The following PCCB variants were observed in gnomAD, a reference collection of about 807,000 sequenced individuals.
PCCB encodes propionyl-CoA carboxylase subunit beta.
Under a neutral mutation model 60.7 loss-of-function variants are expected in PCCB, and 43 were observed. The ratio of observed to expected loss-of-function variants is 0.71; its 90% confidence interval spans 0.55 to 0.91. The LOEUF (loss-of-function observed/expected upper bound fraction) is 0.91. Among genes scored for constraint, PCCB ranks in the 40% least tolerant of loss-of-function variants. The pLI is 0.00. For synonymous variants in PCCB, 276 were observed against 255.9 expected (o/e 1.08, Z -0.75); for missense variants, 766 against 702.8 (o/e 1.09, Z -1.02).
intron 6 of PCCB, among the ~76,000 whole-genome samples, chr3:136,287,698 A>G (rs1933482294): frequency 6.6e-6 from 1 of 152,188 alleles, no homozygotes; most frequent in Admixed American, 6.5e-5. Flanking sequence ...AGCCTCCTAA[A>G]GTGCTGGGAG....
At chr3:136,279,759 C>T (rs1942425267) in intron 5 of PCCB, among the ~76,000 whole-genome samples, 1 of 152,108 alleles carries the variant, frequency 6.6e-6, no homozygotes, top group African/African-American at 2.4e-5. Flanking sequence ...GCTCCGCCTC[C>T]CAGGTTCACG....
chr3:136,326,827 T>C lies in PCCB; in HGVS notation c.1115T>C (p.Val372Ala). The C allele has an allele frequency of 6.2e-7, 1 of 1,610,398 alleles. No individual in the cohort carries two copies. The highest frequency in any genetic ancestry group is 1.1e-5 in the South Asian group (1 of 90,970). ...GGATGCTTGGATATTAATTCATCTG[T>C]GAAAGGGGCTCGTTTTGTCAGATTC... is the stretch of plus-strand genomic sequence containing the variant. ...ASGCLDINSS[V>A]KGARFVRFCD... Residue 372 changes from valine (V) to alanine (A), a missense_variant, in exon 11 of 15, where the codon GTG becomes GCG. By Grantham distance (64) the Val-to-Ala change is moderately conservative (BLOSUM62 0). Transcript: ENST00000251654.
intron 6 of PCCB, among the ~76,000 whole-genome samples, chr3:136,287,608 G>A (rs981168383): frequency 1.3e-5 from 2 of 151,918 alleles, no homozygotes; most frequent in South Asian, 4.2e-4. Flanking sequence ...CTAATTTTTT[G>A]TATTTTTGGT....
chr3:136,311,610 G>C (rs1428157598), intron 9 of PCCB, among the ~76,000 whole-genome samples: 1 of 152,086 alleles, frequency 6.6e-6, no homozygotes, highest in African/African-American at 2.4e-5. Context: ...AAAGTGCTGG[G>C]ATTTTAGGTG....
At chr3:136,262,990 T>C (rs1941868112) in intron 5 of PCCB, among the ~76,000 whole-genome samples, 1 of 148,326 alleles carries the variant, frequency 6.7e-6, no homozygotes, top group Non-Finnish European at 1.5e-5. Flanking sequence ...AGTCTGGCTC[T>C]GTCTCCCAGG....
Position 136,250,465 on chromosome 3 carries a change from C to A in PCCB, c.90C>A (p.Ser30Arg). 6.2e-7 allele frequency: 1 copy of A among 1,610,426 alleles called. No homozygotes were observed. The highest frequency in any genetic ancestry group is 8.5e-7 in the Non-Finnish European group (1 of 1,178,560). ...GLRAAVRSLCSQATSVNERIE... is the reference protein window; with the variant it reads ...GLRAAVRSLCRQATSVNERIE... ...GCGCCGCGGTCCGCAGCCTTTGCAG[C>A]CAGGCCACCTCTGTTAACGAACGCA... Residue 30 changes from serine (S) to arginine (R), a missense_variant, in exon 1 of 15, where the codon AGC becomes AGA. Ser to Arg is a moderately radical substitution (Grantham distance 110, BLOSUM62 -1). Transcript: ENST00000251654.
At chr3:136,283,456 G>A (rs1386881036) in intron 5 of PCCB, among the ~76,000 whole-genome samples, 2 of 152,118 alleles carry the variant, frequency 1.3e-5, no homozygotes, top group Non-Finnish European at 2.9e-5. Context: ...TGTTGGCTCT[G>A]CAAACTCTGC....
At chr3:136,274,669 T>A (rs926940020) in intron 5 of PCCB, among the ~76,000 whole-genome samples, 5 of 152,232 alleles carry the variant, frequency 3.3e-5, no homozygotes, top group Non-Finnish European at 7.3e-5. Context: ...TATTGAAATC[T>A]CAGGCAAGGC....
At chr3:136,283,681 A>G (rs191425877) in intron 5 of PCCB, among the ~76,000 whole-genome samples, 156 bp from the exon 6 acceptor site, 1 of 152,312 alleles carries the variant, frequency 6.6e-6, no homozygotes, top group East Asian at 1.9e-4. Context: ...TGCACATATA[A>G]TTCTTAAAGA....
chr3:136,260,860 C>G lies in PCCB; in HGVS notation c.429+325C>G, dbSNP rs1576406290. On this transcript the variant is annotated intron_variant, in intron 4 of 14. Transcript: ENST00000251654. Reference sequence around the variant, plus strand: ...TTAATAACAAGATTTAGCAGTAGATCTAGTAACTACCGTAATTTCAAAGTA... The same window carrying G: ...TTAATAACAAGATTTAGCAGTAGATGTAGTAACTACCGTAATTTCAAAGTA... Among the ~76,000 whole-genome samples, 3 of 152,134 alleles carry G rather than the reference C, an allele frequency of 2.0e-5. No individual in the cohort carries two copies. The East Asian group carries it at 5.8e-4, about 29-fold the overall frequency.
chr3:136,301,344 A>G (rs1934272491), intron 9 of PCCB, among the ~76,000 whole-genome samples: 1 of 152,100 alleles, frequency 6.6e-6, no homozygotes, highest in Non-Finnish European at 1.5e-5. Context: ...TAGGAGTAGT[A>G]AGGGCCAGCA....
intron 6 of PCCB, among the ~76,000 whole-genome samples, chr3:136,292,569 C>T (rs1454303364): frequency 1.3e-5 from 2 of 152,082 alleles, no homozygotes; most frequent in Admixed American, 1.3e-4. Flanking sequence ...TGATACAAAT[C>T]CTACTATACT....
chr3:136,289,590 A>G (rs9848883), intron 6 of PCCB, among the ~76,000 whole-genome samples: 5,981 of 152,090 alleles, frequency 0.039, 157 homozygotes, highest in East Asian at 0.13. Flanking sequence ...TAGTCTGACA[A>G]TCCGTCTTTT....
In PCCB at chr3:136,327,204, C is replaced by G. The variant is rs747022334; in HGVS notation, c.1248C>G (p.Leu416=). The part of the protein sequence containing the change: ...GGIIRHGAKL[L]YAFAEATVPK... ...TCATCCGGCATGGTGCCAAGCTTCT[C>G]TACGCATTTGCTGAGGCAACTGTAC... The change falls in exon 12 of 15, where the codon CTC becomes CTG. Residue 416 remains leucine (L), a synonymous_variant. Coordinates refer to ENST00000251654, the MANE Select transcript of PCCB (RefSeq NM_000532.5). The G allele has an allele frequency of 3.7e-6, 6 of 1,614,194 alleles. No individual in the cohort carries two copies. The Admixed American group carries it at 1.0e-4, about 27-fold the overall frequency.
intron 5 of PCCB, among the ~76,000 whole-genome samples, chr3:136,280,250 T>A (rs1942442290): frequency 6.6e-6 from 1 of 152,230 alleles, no homozygotes; most frequent in African/African-American, 2.4e-5. Context: ...TGCTCTCAGC[T>A]TTTGTTGACT....
chr3:136,262,195 G>A, intron 5 of PCCB, 130 bp downstream of exon 5: 2 of 704,300 alleles, frequency 2.8e-6, no homozygotes, highest in East Asian at 2.8e-5. Context: ...GGTCCTTTCT[G>A]TGTCACTGGG....
At chr3:136,264,799 C>G (rs180740502) in intron 5 of PCCB, among the ~76,000 whole-genome samples, 45 of 134,432 alleles carry the variant, frequency 3.3e-4, no homozygotes, top group African/African-American at 1.1e-3. Flanking sequence ...GGCATGAACC[C>G]GGGAGGCAGA....
intron 9 of PCCB, among the ~76,000 whole-genome samples, chr3:136,309,974 A>G (rs1029653145): frequency 2.6e-5 from 4 of 152,146 alleles, no homozygotes; most frequent in African/African-American, 7.2e-5. Flanking sequence ...GCTCATGCCT[A>G]TAATCCCAAC....
chr3:136,290,165 C>T (rs1178105671), intron 6 of PCCB, among the ~76,000 whole-genome samples: 1 of 151,960 alleles, frequency 6.6e-6, no homozygotes, highest in African/African-American at 2.4e-5. Context: ...TATCATTTAC[C>T]TTTTCTGTAA....
Sources: allele counts gnomAD v4.1 joint callset (sites outside exome capture counted in the v4.1 genomes callset), GRCh38; gene constraint gnomAD v4.1.1; transcripts MANE v1.5; gene names NCBI Gene and HGNC (gene_info 2026-07-23, HGNC 2026-07-21).